CSTA: variants seen among roughly 807,000 people sequenced by gnomAD.
The protein encoded by CSTA is cystatin A.
In CSTA, 9 loss-of-function variants were observed where a neutral mutation model predicts 9.2. That is an observed-to-expected ratio of 0.97 (90% CI 0.59 to 1.70). The LOEUF is 1.70. CSTA is among the 40% of genes most tolerant of loss of function. The pLI is 0.00. For missense variants in CSTA, 118 were observed against 113.1 expected (o/e 1.04, Z -0.20); for synonymous variants, 36 against 40.6 (o/e 0.89, Z 0.43).
intron 1 of CSTA, among the ~76,000 whole-genome samples, chr3:122,329,191 C>A (rs1199085978): frequency 6.6e-6 from 1 of 151,836 alleles, no homozygotes; most frequent in African/African-American, 2.4e-5. Context: ...TGGTCTCGAT[C>A]TCCTGACCTC....
At chr3:122,331,714 T>C (rs1252753187) in intron 1 of CSTA, among the ~76,000 whole-genome samples, 1 of 152,188 alleles carries the variant, frequency 6.6e-6, no homozygotes, top group East Asian at 1.9e-4. Flanking sequence ...CAGAACATTC[T>C]TGCAGTCATA....
chr3:122,337,743 C>A (rs942298899), intron 2 of CSTA, 95 bp downstream of exon 2: 1 of 916,036 alleles, frequency 1.1e-6, no homozygotes, highest in African/African-American at 1.6e-5. Flanking sequence ...TCCTTCCTTA[C>A]GGTTGTCCTA....
At chr3:122,336,700 A>C (rs1454206926) in intron 1 of CSTA, among the ~76,000 whole-genome samples, 2 of 152,214 alleles carry the variant, frequency 1.3e-5, no homozygotes, top group Non-Finnish European at 2.9e-5. Flanking sequence ...AAGGGGAAAA[A>C]AATGGTAACT....
In CSTA at chr3:122,333,709, A is replaced by G. The variant is rs537709522; in HGVS notation, c.67-3838A>G. On this transcript the variant is annotated intron_variant, in intron 1 of 2. Transcript: ENST00000264474. Reference sequence around the variant, plus strand: ...AAGAAAGAGAGAGAGAAAGAAAGAAAAAGAAAGAAAGAGAAAGAAAGAAAG... The same window carrying G: ...AAGAAAGAGAGAGAGAAAGAAAGAAGAAGAAAGAAAGAGAAAGAAAGAAAG... Among the ~76,000 whole-genome samples, 127 of 133,058 alleles carry G rather than the reference A, an allele frequency of 9.5e-4. 1 individual carries two copies. The highest frequency in any genetic ancestry group is 1.5e-3 in the Non-Finnish European group (90 of 61,312). 87.3% of individuals were successfully genotyped at this position (133,058 alleles called of 152,430 possible). A position where few individuals can be genotyped will look rare whatever the true frequency, so the allele number is the denominator to read the frequency against.
At chr3:122,330,711 A>G (rs907062011) in intron 1 of CSTA, among the ~76,000 whole-genome samples, 1 of 152,196 alleles carries the variant, frequency 6.6e-6, no homozygotes, top group African/African-American at 2.4e-5. Context: ...AGTTGTCAGG[A>G]TGGAAAACAA....
At chr3:122,337,692 C>A in intron 2 of CSTA, 44 bp downstream of exon 2, 1 of 1,220,964 alleles carries the variant, frequency 8.2e-7, no homozygotes, top group South Asian at 1.2e-5. Flanking sequence ...ATGTATTTCT[C>A]ATTTTATGTA....
In CSTA at chr3:122,325,297, T is replaced by C. The variant is rs370025416; in HGVS notation, c.5T>C (p.Ile2Thr). Residue 2 changes from isoleucine to threonine, a missense_variant, in exon 1 of 3, where the codon ATA (isoleucine) becomes ACA (threonine). Coordinates refer to ENST00000264474, the MANE Select transcript of CSTA (RefSeq NM_005213.4). The stretch of plus-strand genomic sequence containing the variant: ...GCAAAGAAGCAATCAGCCAAAATGA[T>C]ACCTGGAGGCTTATCTGAGGCCAAA... M[I>T]PGGLSEAKPA... 6.2e-6 allele frequency: 10 copies of C among 1,613,746 alleles called. No homozygotes were observed. The African/African-American group carries it at 6.7e-5, about 11-fold the overall frequency.
intron 2 of CSTA, among the ~76,000 whole-genome samples, chr3:122,339,088 T>C (rs185608158): frequency 1.3e-5 from 2 of 152,304 alleles, no homozygotes; most frequent in Non-Finnish European, 2.9e-5. Context: ...TTGCCAGTGA[T>C]GTGACCTTCT....
chr3:122,326,078 G>A (rs2075169295), intron 1 of CSTA, among the ~76,000 whole-genome samples: 1 of 152,152 alleles, frequency 6.6e-6, no homozygotes, highest in African/African-American at 2.4e-5. Flanking sequence ...GAGTGCAATG[G>A]TCTGATCACG....
At chr3:122,341,313 G>C (rs1328483886) in intron 2 of CSTA, 126 bp from the exon 3 acceptor site, 3 of 930,810 alleles carry the variant, frequency 3.2e-6, no homozygotes, top group Admixed American at 1.9e-5. Flanking sequence ...GGTGGACTAG[G>C]TCTAGCAATG....
chr3:122,327,302 G>C lies in CSTA; in HGVS notation c.66+1944G>C, dbSNP rs1020805663. On this transcript the variant is annotated intron_variant, in intron 1 of 2. Transcript: ENST00000264474. The stretch of plus-strand genomic sequence containing the variant: ...CCCAGCACTTTGGGAGGCCGAGGCG[G>C]GTGGATCACGAGGTCAGGAGATCAA... 4.6e-5 allele frequency among the ~76,000 whole-genome samples: 7 copies of C among 151,518 alleles called. 1 individual carries two copies. The highest frequency in any genetic ancestry group is 3.9e-4 in the East Asian group (2 of 5,138).
Position 122,337,571 on chromosome 3 carries a change from A to C in CSTA, c.91A>C (p.Thr31Pro), listed in dbSNP as rs1365531544. Residue 31 changes from threonine to proline, a missense_variant, in exon 2 of 3, where the codon ACA becomes CCA. Physicochemically the swap from Thr to Pro is conservative, Grantham distance 38. Coordinates refer to ENST00000264474, the MANE Select transcript of CSTA (RefSeq NM_005213.4). ...DKVKPQLEEK[T>P]NETYGKLEAV... The stretch of plus-strand genomic sequence containing the variant: ...GGTTAAACCACAGCTTGAAGAAAAA[A>C]CAAATGAGACTTACGGAAAATTGGA... 2 of 1,612,658 alleles carry C rather than the reference A, an allele frequency of 1.2e-6. No homozygotes were observed. Among genetic ancestry groups the C allele is most frequent in the East Asian group, 2.2e-5 (1 of 44,852 alleles).
At position 122,341,653 on chromosome 3, in the gene CSTA, CA is replaced by C; in HGVS notation, c.*87del. ...ATAAATATAACCATCAATAAAGAAG[CA>C]TTCTTTTCCAAAGAAATTATTTCTT... On this transcript the variant is annotated 3_prime_UTR_variant, in exon 3 of 3. Transcript: ENST00000264474. 1.4e-6 allele frequency: 2 copies of C among 1,451,680 alleles called. No homozygotes were observed. Among genetic ancestry groups the C allele is most frequent in the Non-Finnish European group, 1.9e-6 (2 of 1,044,082 alleles). The allele number at this position is 1,451,680 out of a possible 1,614,324, so 89.9% of individuals were successfully genotyped here. A position where few individuals can be genotyped will look rare whatever the true frequency, so the allele number is the denominator to read the frequency against.
chr3:122,341,103 G>C (rs901031115), intron 2 of CSTA, among the ~76,000 whole-genome samples: 1 of 151,728 alleles, frequency 6.6e-6, no homozygotes, highest in Non-Finnish European at 1.5e-5. Context: ...CACCATGCCC[G>C]GCTAATTTTT....
At position 122,341,507 on chromosome 3, in the gene CSTA, C is replaced by T. The variant is rs201521132; in HGVS notation, c.237C>T (p.Asp79=). Residue 79 remains aspartate, a synonymous_variant, in exon 3 of 3, where the codon GAC becomes GAT. Coordinates refer to ENST00000264474, the MANE Select transcript of CSTA (RefSeq NM_005213.4). Reference sequence around the variant, plus strand: ...AAAGTCTTCCCGGACAAAATGAGGACTTGGTACTTACTGGATACCAGGTTG... The same window carrying T: ...AAAGTCTTCCCGGACAAAATGAGGATTTGGTACTTACTGGATACCAGGTTG... ...VFKSLPGQNE[D]LVLTGYQVDK... The T allele has an allele frequency of 4.3e-6, 7 of 1,614,108 alleles. No individual in the cohort carries two copies. Among genetic ancestry groups the T allele is most frequent in the Non-Finnish European group, 5.9e-6 (7 of 1,179,976 alleles).
intron 1 of CSTA, among the ~76,000 whole-genome samples, chr3:122,333,383 T>C (rs2107666703): frequency 6.6e-6 from 1 of 152,100 alleles, no homozygotes; most frequent in Non-Finnish European, 1.5e-5. Context: ...TGGTGGCAGA[T>C]GCCTGTAGTC....
At chr3:122,333,740 G>GAAAGA (rs2075221340) in intron 1 of CSTA, among the ~76,000 whole-genome samples, 2 of 150,306 alleles carry the variant, frequency 1.3e-5, no homozygotes, top group Non-Finnish European at 3.0e-5. Flanking sequence ...GAAAGAGAAA[G>GAAAGA]AAAGAAAAGA....
chr3:122,334,871 C>T (rs148912972), intron 1 of CSTA, among the ~76,000 whole-genome samples: 61 of 152,286 alleles, frequency 4.0e-4, no homozygotes, highest in South Asian at 6.2e-4. Flanking sequence ...CACTGCAGAA[C>T]GTCACAATGG....
chr3:122,337,683 T>C (rs1448453352), intron 2 of CSTA, 35 bp downstream of exon 2: 1 of 1,271,862 alleles, frequency 7.9e-7, no homozygotes, highest in East Asian at 2.3e-5. Flanking sequence ...CGCCAAAAGA[T>C]GTATTTCTCA....
Sources: gnomAD v4.1 joint callset for allele counts (sites outside exome capture counted in the v4.1 genomes callset) on GRCh38, gnomAD v4.1.1 for gene constraint, MANE v1.5 for transcripts, NCBI Gene and HGNC (gene_info 2026-07-23, HGNC 2026-07-21) for gene names.